Variants in DOCK4 observed in about 807,000 individuals in gnomAD.
DOCK4 encodes dedicator of cytokinesis protein 4.
DOCK4 carries 97 observed loss-of-function variants against 268.1 expected under a neutral mutation model. The ratio of observed to expected loss-of-function variants is 0.36; its 90% confidence interval spans 0.31 to 0.43. DOCK4 has a LOEUF of 0.43. DOCK4 is among the 20% of genes least tolerant of loss of function. DOCK4 has a pLI of 1.00. For missense variants in DOCK4, 2,145 were observed against 2,455.7 expected, an observed-to-expected ratio of 0.87 and a Z score of 2.67; for synonymous variants, 954 against 887.2, an observed-to-expected ratio of 1.08 and a Z score of -1.34.
chr7:111,745,683 T>TAAAA (rs781530065), intron 44 of DOCK4, among the ~76,000 whole-genome samples: 2,970 of 49,570 alleles, frequency 0.06, 529 homozygotes, highest in Non-Finnish European at 0.075. Context: ...GACTCCGTCT[T>TAAAA]AAAAAAAAAA....
At chr7:112,155,055 T>G (rs1235815863) in intron 1 of DOCK4, among the ~76,000 whole-genome samples, 1 of 152,234 alleles carries the variant, frequency 6.6e-6, no homozygotes, top group African/African-American at 2.4e-5. Flanking sequence ...AAGGAAGATG[T>G]TGTTTTTCCA....
chr7:112,193,598 T>TA (rs564039337), intron 1 of DOCK4, among the ~76,000 whole-genome samples: 11,535 of 132,144 alleles, frequency 0.087, 994 homozygotes, highest in African/African-American at 0.23. Flanking sequence ...GACCATGCCT[T>TA]AAAAAAAAAA....
At chr7:112,176,611 A>T (rs1202154961) in intron 1 of DOCK4, among the ~76,000 whole-genome samples, 1 of 152,188 alleles carries the variant, frequency 6.6e-6, no homozygotes, top group Non-Finnish European at 1.5e-5. Flanking sequence ...AAAAACCTAT[A>T]GTTTGCACAA....
At chr7:111,794,064 A>T (rs376183439) in intron 30 of DOCK4, among the ~76,000 whole-genome samples, 3 of 152,266 alleles carry the variant, frequency 2.0e-5, no homozygotes, top group African/African-American at 7.2e-5. Flanking sequence ...AGTGTGGAAG[A>T]TGGGCTGTAG....
chr7:111,936,372 G>T (rs1794735601), intron 11 of DOCK4, among the ~76,000 whole-genome samples: 1 of 152,166 alleles, frequency 6.6e-6, no homozygotes, highest in East Asian at 1.9e-4. Flanking sequence ...ACGTGGTGTA[G>T]TTCACCTGGG....
chr7:111,854,662 G>A (rs973911885), intron 23 of DOCK4, among the ~76,000 whole-genome samples: 3 of 152,276 alleles, frequency 2.0e-5, no homozygotes, highest in South Asian at 4.1e-4. Context: ...GATTACAGGC[G>A]TGAGCGACCG....
chr7:111,954,711 T>C (rs1344277575), intron 8 of DOCK4, among the ~76,000 whole-genome samples: 2 of 152,138 alleles, frequency 1.3e-5, no homozygotes, highest in Non-Finnish European at 2.9e-5. Context: ...CAGAGGGCTA[T>C]AAAACCCCTG....
chr7:112,169,345 C>T (rs1817878351), intron 1 of DOCK4, among the ~76,000 whole-genome samples: 1 of 152,100 alleles, frequency 6.6e-6, no homozygotes, highest in Admixed American at 6.6e-5. Flanking sequence ...ACTAATATGC[C>T]ATTGCTCCAA....
intron 8 of DOCK4, among the ~76,000 whole-genome samples, chr7:111,952,732 A>G (rs539867630): frequency 1.1e-4 from 17 of 152,328 alleles, no homozygotes; most frequent in South Asian, 2.1e-4. Context: ...AATTTTCAAC[A>G]GTTAAATATC....
At chr7:112,101,276 C>A (rs535287450) in intron 1 of DOCK4, among the ~76,000 whole-genome samples, 1 of 152,216 alleles carries the variant, frequency 6.6e-6, no homozygotes, top group Admixed American at 6.5e-5. Flanking sequence ...ATTTCACATG[C>A]TAGTTAAGAA....
intron 1 of DOCK4, among the ~76,000 whole-genome samples, chr7:112,038,068 A>ATT (rs1803990754): frequency 6.6e-6 from 1 of 152,222 alleles, no homozygotes; most frequent in Non-Finnish European, 1.5e-5. Flanking sequence ...ACAGCATGTT[A>ATT]GCATTGTTAT....
intron 15 of DOCK4, 28 bp downstream of exon 15, chr7:111,900,346 C>G (rs746952226): frequency 6.2e-6 from 10 of 1,607,072 alleles, no homozygotes; most frequent in Non-Finnish European, 7.6e-6. Context: ...ACAATAGACA[C>G]AGGTAGCCAA....
intron 12 of DOCK4, among the ~76,000 whole-genome samples, chr7:111,917,159 T>C (rs1329168866): frequency 6.6e-6 from 1 of 151,850 alleles, no homozygotes; most frequent in Non-Finnish European, 1.5e-5. Context: ...AGCTAATTTT[T>C]GTGTTTTTCG....
At chr7:111,936,725 C>T (rs1211904537) in intron 11 of DOCK4, among the ~76,000 whole-genome samples, 1 of 152,198 alleles carries the variant, frequency 6.6e-6, no homozygotes, top group East Asian at 1.9e-4. Context: ...AGATTCTGTA[C>T]ACTATCAATC....
At chr7:111,865,349 T>C (rs569548023) in intron 22 of DOCK4, among the ~76,000 whole-genome samples, 1 of 152,334 alleles carries the variant, frequency 6.6e-6, no homozygotes, top group South Asian at 2.1e-4. Flanking sequence ...CCAGGATGCA[T>C]ACATCTGTGG....
At chr7:111,841,957 T>A (rs1014384923) in intron 25 of DOCK4, among the ~76,000 whole-genome samples, 2 of 152,360 alleles carry the variant, frequency 1.3e-5, no homozygotes, top group South Asian at 2.1e-4. Context: ...TCTCAGGCAA[T>A]CTTTAACTAT....
chr7:111,958,118 A>C (rs1586494109), intron 8 of DOCK4, among the ~76,000 whole-genome samples: 1 of 152,198 alleles, frequency 6.6e-6, no homozygotes, highest in Non-Finnish European at 1.5e-5. Flanking sequence ...GCAAAAATTA[A>C]GATAATAATA....
chr7:111,917,470 T>C (rs923333211), intron 12 of DOCK4, among the ~76,000 whole-genome samples: 1 of 151,854 alleles, frequency 6.6e-6, no homozygotes, highest in Non-Finnish European at 1.5e-5. Context: ...TATCAGCACT[T>C]TGGGAGGTCG....
intron 44 of DOCK4, among the ~76,000 whole-genome samples, chr7:111,743,259 C>T (rs546805526): frequency 4.3e-4 from 66 of 152,244 alleles, no homozygotes; most frequent in African/African-American, 1.5e-3. Context: ...GGGAGGAAAA[C>T]GAATCCTATA....
Sources: gnomAD v4.1 joint callset for allele counts (sites outside exome capture counted in the v4.1 genomes callset) on GRCh38, gnomAD v4.1.1 for gene constraint, MANE v1.5 for transcripts, NCBI Gene and HGNC (gene_info 2026-07-23, HGNC 2026-07-21) for gene names.